Variants in PRR27 observed in about 807,000 individuals in gnomAD.
PRR27 encodes proline rich 27, also known as proline-rich protein 27.
Under a neutral mutation model 16.8 loss-of-function variants are expected in PRR27, and 12 were observed. That is an observed-to-expected ratio of 0.71 (90% CI 0.46 to 1.16). PRR27 has a LOEUF of 1.16. Among genes scored for constraint, PRR27 ranks in the 50% most tolerant of loss-of-function variants. The pLI is 0.00. For synonymous variants in PRR27, 100 were observed against 98.4 expected, an observed-to-expected ratio of 1.02 and a Z score of -0.10; for missense variants, 277 against 273.3, an observed-to-expected ratio of 1.01 and a Z score of -0.10.
chr4:70,156,896 A>AT (rs1164981028), intron 2 of PRR27, among the ~76,000 whole-genome samples: 1 of 151,960 alleles, frequency 6.6e-6, no homozygotes, highest in African/African-American at 2.4e-5. Flanking sequence ...CATTTTACTT[A>AT]TTTTTTTATT....
At chr4:70,154,639 G>C (rs1728435644) in intron 1 of PRR27, 1 of 870,194 alleles carries the variant, frequency 1.1e-6, no homozygotes, top group Non-Finnish European at 1.8e-6. Context: ...TAAACAGCAA[G>C]GAAAGGAGGT....
At chr4:70,160,538 A>G (rs1254714338) in intron 3 of PRR27, among the ~76,000 whole-genome samples, 2 of 150,730 alleles carry the variant, frequency 1.3e-5, no homozygotes, top group Non-Finnish European at 1.5e-5. Context: ...CATAGAGACC[A>G]CCTACCTTGC....
chr4:70,161,156 G>GTATATATATATATATATATATATATATA (rs371303125), intron 3 of PRR27, among the ~76,000 whole-genome samples: 22 of 93,894 alleles, frequency 2.3e-4, no homozygotes, highest in African/African-American at 6.2e-4. Flanking sequence ...TATGAACACT[G>GTATATATATATATATATATATATATATA]TATATATATA....
At chr4:70,157,675 C>T (rs1379628155) in intron 2 of PRR27, among the ~76,000 whole-genome samples, 5 of 152,100 alleles carry the variant, frequency 3.3e-5, no homozygotes, top group South Asian at 2.1e-4. Context: ...CCCGCCACCA[C>T]GCCCAGCCAA....
At chr4:70,161,809 G>A (rs777229433) in intron 4 of PRR27, among the ~76,000 whole-genome samples, 179 bp downstream of exon 4, 1 of 152,100 alleles carries the variant, frequency 6.6e-6, no homozygotes, top group Non-Finnish European at 1.5e-5. Context: ...CATGTCTTGC[G>A]TAAGGAACTC....
rs1379512609 is a variant in PRR27 at position 70,157,657 on chromosome 4, T to C, written c.76-671T>C. ...CTTCTGCCTCCCAAGTAGCTGGGAC[T>C]ACAGGCGCCCGCCACCACGCCCAGC... On this transcript the variant is annotated intron_variant, in intron 2 of 4. Coordinates refer to ENST00000344526, the MANE Select transcript of PRR27 (RefSeq NM_214711.4). Among the ~76,000 whole-genome samples the C allele has an allele frequency of 2.6e-5, 4 of 152,072 alleles. No individual in the cohort carries two copies. The East Asian group carries it at 7.7e-4, about 29-fold the overall frequency.
In PRR27 at chr4:70,158,741, T is replaced by C; in HGVS notation, c.489T>C (p.Pro163=). The C allele has an allele frequency of 6.3e-7, 1 of 1,578,774 alleles. No homozygotes were observed. Among genetic ancestry groups the C allele is most frequent in the Non-Finnish European group, 8.7e-7 (1 of 1,153,208 alleles). The change falls in exon 3 of 5, where the codon CCT becomes CCC. Residue 163 remains proline (P), a synonymous_variant. Transcript: ENST00000344526. ...PVAAEPAAEA[P]VGAEPAAEAP... is the part of the protein sequence containing the mutation. ...CAGCTGAGCCTGCTGCAGAGGCACC[T>C]GTTGGAGCTGAGCCTGCTGCAGAGG...
Position 70,160,443 on chromosome 4 carries a change from C to CTCTCTCTCTGTG in PRR27, c.649-1142_649-1141insCTCTCTCTGTGT, listed in dbSNP as rs1298386504. ...TCTCTCTCTCTCTCTCTCTCTCTCT[C>CTCTCTCTCTGTG]TGTGTGTGTGTGTGTGTGTGTGTGT... On this transcript the variant is annotated intron_variant, in intron 3 of 4. Transcript: ENST00000344526. 8.6e-3 allele frequency among the ~76,000 whole-genome samples: 590 copies of CTCTCTCTCTGTG among 68,694 alleles called. 6 individuals are homozygous for CTCTCTCTCTGTG. The highest frequency in any genetic ancestry group is 0.013 in the Non-Finnish European group (481 of 36,278). The allele number at this position is 68,694 out of a possible 152,430, so 45.1% of individuals were successfully genotyped here.
intron 3 of PRR27, among the ~76,000 whole-genome samples, chr4:70,160,774 C>A (rs1479035087): frequency 6.6e-6 from 1 of 151,770 alleles, no homozygotes; most frequent in Non-Finnish European, 1.5e-5. Context: ...AGCAGCTAGT[C>A]CCTAAATTTT....
chr4:70,164,378 T>C lies in PRR27; in HGVS notation c.*1717T>C, dbSNP rs1359467432. 1.3e-5 allele frequency: 2 copies of C among 152,216 alleles called. No homozygotes were observed. The highest frequency in any genetic ancestry group is 3.8e-4 in the East Asian group (2 of 5,200). 9.4% of individuals were successfully genotyped at this position (152,216 alleles called of 1,614,324 possible). ...ATATTTTTATTTTGAAATAATTTTG[T>C]ATTTTTCCCTATATCCTACATTGGA... On this transcript the variant is annotated 3_prime_UTR_variant, in exon 5 of 5. Transcript: ENST00000344526.
rs1350288409 is a variant in PRR27, at chr4:70,154,245, T to C, written c.-131T>C. ...GGGCCAACTATTCTGTTAAGGGTCT[T>C]CCTAGACAGACTAAAAAAGCCATGT... On this transcript the variant is annotated 5_prime_UTR_variant, in exon 1 of 5. Transcript: ENST00000344526. 18 of 734,694 alleles carry C rather than the reference T, an allele frequency of 2.4e-5. No homozygotes were observed. Among genetic ancestry groups the C allele is most frequent in the Non-Finnish European group, 3.6e-5 (16 of 439,502 alleles). The allele number at this position is 734,694 out of a possible 1,614,324, so 45.5% of individuals were successfully genotyped here. A position where few individuals can be genotyped will look rare whatever the true frequency, so the allele number is the denominator to read the frequency against.
At chr4:70,154,824 G>C in intron 1 of PRR27, 1 of 1,220,602 alleles carries the variant, frequency 8.2e-7, no homozygotes, top group African/African-American at 1.5e-5. Flanking sequence ...GATACTTGAT[G>C]GAATAGAAGT....
intron 1 of PRR27, among the ~76,000 whole-genome samples, chr4:70,155,715 A>ACC (rs1491409455): frequency 8.2e-5 from 12 of 147,062 alleles, no homozygotes; most frequent in Non-Finnish European, 1.5e-4. Context: ...ACACACACAC[A>ACC]CCAGACAAAA....
Position 70,162,958 on chromosome 4 carries a change from T to A in PRR27, c.*297T>A, listed in dbSNP as rs1728680179. The stretch of plus-strand genomic sequence containing the variant: ...TTCAGCCTAGCCTGGAGTCTGATTA[T>A]ACAGCTACTATAGGATGATGTTAGT... On this transcript the variant is annotated 3_prime_UTR_variant, in exon 5 of 5. Transcript: ENST00000344526. The A allele has an allele frequency of 1.3e-5, 2 of 152,226 alleles. No individual in the cohort carries two copies. 9.4% of individuals were successfully genotyped at this position (152,226 alleles called of 1,614,324 possible). A position where few individuals can be genotyped will look rare whatever the true frequency, so the allele number is the denominator to read the frequency against.
chr4:70,160,350 C>A (rs1728611592), intron 3 of PRR27, among the ~76,000 whole-genome samples: 1 of 151,262 alleles, frequency 6.6e-6, no homozygotes, highest in African/African-American at 2.4e-5. Flanking sequence ...TGCCTGTAAA[C>A]GTCAGCTATC....
chr4:70,158,804 TG>T lies in PRR27; in HGVS notation c.554del (p.Gly185GlufsTer39). On this transcript the variant is annotated frameshift_variant, in exon 3 of 5. Transcript: ENST00000344526. LOFTEE classifies it high-confidence loss of function. ...CTGAGCCTGCTGCAGAGGCACCTGT[TG>T]GAGTGGAGCCAGCTGCAGAGGAACC... ...AAEPAAEAPVGVEPAAEEPSP... is the reference protein window; with the variant it reads ...AAEPAAEAPVXVEPAAEEPSP... 1 of 1,613,650 alleles carries T rather than the reference TG, an allele frequency of 6.2e-7. No individual in the cohort carries two copies. Among genetic ancestry groups the T allele is most frequent in the Non-Finnish European group, 8.5e-7 (1 of 1,179,754 alleles).
intron 2 of PRR27, among the ~76,000 whole-genome samples, chr4:70,156,875 T>A (rs1322844050): frequency 7.2e-6 from 1 of 138,296 alleles, no homozygotes; most frequent in Non-Finnish European, 1.5e-5. Flanking sequence ...ATTTTGAATT[T>A]TTTTTTGCAT....
In PRR27 at chr4:70,164,753, C is replaced by G. The variant is rs1481589213; in HGVS notation, c.*2092C>G. The G allele has an allele frequency of 6.6e-6, 1 of 151,694 alleles. No individual in the cohort carries two copies. Among genetic ancestry groups the G allele is most frequent in the Admixed American group, 6.6e-5 (1 of 15,224 alleles). 9.4% of individuals were successfully genotyped at this position (151,694 alleles called of 1,614,324 possible). A position where few individuals can be genotyped will look rare whatever the true frequency, so the allele number is the denominator to read the frequency against. ...AAACAACAGAAAGATGAAGATGAAC[C>G]GAAATAGAAATATCAAGAGGCTACA... On this transcript the variant is annotated 3_prime_UTR_variant, in exon 5 of 5. Transcript: ENST00000344526.
intron 4 of PRR27, 92 bp downstream of exon 4, chr4:70,161,722 T>A (rs1728654038): frequency 1.8e-6 from 1 of 547,564 alleles, no homozygotes; most frequent in Non-Finnish European, 3.1e-6. Flanking sequence ...TTATATTTTT[T>A]ACTACATGAA....
Sources: gnomAD v4.1 joint callset for allele counts (sites outside exome capture counted in the v4.1 genomes callset) on GRCh38, gnomAD v4.1.1 for gene constraint, MANE v1.5 for transcripts, NCBI Gene and HGNC (gene_info 2026-07-23, HGNC 2026-07-21) for gene names.